SPAST: variants seen among roughly 807,000 people sequenced by gnomAD.
The protein encoded by SPAST is spastic paraplegia 4 (autosomal dominant; spastin).
A neutral mutation model predicts 76.6 loss-of-function variants in SPAST; 30 were observed. The observed-to-expected ratio is 0.39, with a 90% CI of 0.29 to 0.53. The LOEUF (loss-of-function observed/expected upper bound fraction) is 0.53. Ranked by LOEUF, SPAST falls within the 20% of genes least tolerant of loss-of-function variation. The pLI, the probability that SPAST is intolerant of heterozygous loss-of-function variation, is 0.68. For missense variants in SPAST, 717 were observed against 770.5 expected (o/e 0.93, Z 0.82); for synonymous variants, 305 against 281.0 (o/e 1.09, Z -0.86).
At position 32,082,140 on chromosome 2, in the gene SPAST, C is replaced by T. The variant is rs138125038; in HGVS notation, c.416-5352C>T. Among the ~76,000 whole-genome samples, 989 of 149,948 alleles carry T rather than the reference C, an allele frequency of 6.6e-3. 18 individuals are homozygous for T. Among genetic ancestry groups the T allele is most frequent in the Middle Eastern group, 0.048 (14 of 292 alleles). Reference sequence around the variant, plus strand: ...CCCAAATAGCTGGGAGTACAGGCACCCACCCCCACGCCCAGCTAATGTTTG... The same window carrying T: ...CCCAAATAGCTGGGAGTACAGGCACTCACCCCCACGCCCAGCTAATGTTTG... On this transcript the variant is annotated intron_variant, in intron 1 of 16. Transcript: ENST00000315285.
intron 7 of SPAST, among the ~76,000 whole-genome samples, chr2:32,120,572 CT>C (rs36066356): frequency 2.8e-3 from 373 of 131,156 alleles, no homozygotes; most frequent in African/African-American, 4.9e-3. Context: ...TAACTCAGGT[CT>C]TTTTTTTTTT....
At chr2:32,090,303 C>T (rs570916349) in intron 3 of SPAST, among the ~76,000 whole-genome samples, 1 of 152,296 alleles carries the variant, frequency 6.6e-6, no homozygotes, top group South Asian at 2.1e-4. Context: ...CAACACTGCC[C>T]TCAAAACCTA....
At chr2:32,140,327 T>A (rs898232705) in intron 12 of SPAST, among the ~76,000 whole-genome samples, 49 of 152,184 alleles carry the variant, frequency 3.2e-4, no homozygotes, top group African/African-American at 1.2e-3. Flanking sequence ...TGAGCATCTG[T>A]ATGTTATTTC....
intron 7 of SPAST, among the ~76,000 whole-genome samples, chr2:32,116,732 G>T (rs1678850812): frequency 6.6e-6 from 1 of 152,218 alleles, no homozygotes; most frequent in African/African-American, 2.4e-5. Context: ...CTCCCAGAGT[G>T]TTAGGATTAC....
chr2:32,088,786 G>A (rs565206004), intron 2 of SPAST, among the ~76,000 whole-genome samples: 47 of 152,190 alleles, frequency 3.1e-4, no homozygotes, highest in African/African-American at 1.1e-3. Flanking sequence ...TTATTGAAGA[G>A]GCTGTTTTAG....
chr2:32,091,615 G>A (rs1370812304), intron 3 of SPAST, among the ~76,000 whole-genome samples: 3 of 150,076 alleles, frequency 2.0e-5, no homozygotes, highest in Non-Finnish European at 3.0e-5. Flanking sequence ...GGTGGATCAC[G>A]AGGTCAGGAG....
intron 4 of SPAST, among the ~76,000 whole-genome samples, chr2:32,113,723 G>T (rs949447591): frequency 6.7e-6 from 1 of 149,994 alleles, no homozygotes; most frequent in Non-Finnish European, 1.5e-5. Flanking sequence ...CCACCACCAC[G>T]TCTGACTGAT....
intron 1 of SPAST, among the ~76,000 whole-genome samples, chr2:32,085,220 T>C (rs1677425550): frequency 3.3e-5 from 5 of 149,456 alleles, no homozygotes. Flanking sequence ...TTTTTTTTTT[T>C]TTTTGAGTCA....
In SPAST at chr2:32,157,213, AC is replaced by A. The variant is rs1461159527; in HGVS notation, c.*2718del. On this transcript the variant is annotated 3_prime_UTR_variant, in exon 17 of 17. Coordinates refer to ENST00000315285, the MANE Select transcript of SPAST (RefSeq NM_014946.4). ...AGTTTTGTAAACTAAATTAAAACTT[AC>A]TGATATATTGGACTTTGAGCCAAGG... is the stretch of plus-strand genomic sequence containing the variant. 6.6e-6 allele frequency: 1 copy of A among 152,622 alleles called. No individual in the cohort carries two copies. Among genetic ancestry groups the A allele is most frequent in the Non-Finnish European group, 1.5e-5 (1 of 68,014 alleles). The allele number at this position is 152,622 out of a possible 1,614,324, so 9.5% of individuals were successfully genotyped here. A position where few individuals can be genotyped will look rare whatever the true frequency, so the allele number is the denominator to read the frequency against.
At chr2:32,088,529 A>G (rs1011509645) in intron 2 of SPAST, among the ~76,000 whole-genome samples, 4 of 152,184 alleles carry the variant, frequency 2.6e-5, no homozygotes, top group African/African-American at 9.6e-5. Context: ...CTGTAATTGC[A>G]GCTACTTGGG....
chr2:32,147,341 TG>T, intron 16 of SPAST, 83 bp downstream of exon 16: 8 of 600,510 alleles, frequency 1.3e-5, no homozygotes, highest in South Asian at 2.5e-5. Context: ...TGTGTGTGTG[TG>T]TGGTTTTTTT....
chr2:32,121,020 T>C (rs376321195), intron 7 of SPAST, among the ~76,000 whole-genome samples: 159 of 152,352 alleles, frequency 1.0e-3, no homozygotes, highest in African/African-American at 3.3e-3. Flanking sequence ...CAGGATAGCA[T>C]TGGACTTCTT....
intron 4 of SPAST, among the ~76,000 whole-genome samples, chr2:32,113,046 T>C (rs546433872): frequency 2.0e-5 from 3 of 152,310 alleles, no homozygotes; most frequent in South Asian, 4.1e-4. Context: ...TCTATAAATG[T>C]TCATTTGCAT....
chr2:32,134,215 CT>C (rs1442709743), intron 9 of SPAST, among the ~76,000 whole-genome samples: 12 of 151,744 alleles, frequency 7.9e-5, no homozygotes, highest in African/African-American at 2.7e-4. Flanking sequence ...TTAAAAAATT[CT>C]GGGGGGCCGA....
chr2:32,066,545 G>A (rs1676519068), intron 1 of SPAST, among the ~76,000 whole-genome samples: 1 of 152,040 alleles, frequency 6.6e-6, no homozygotes, highest in South Asian at 2.1e-4. Context: ...ACACATGCCT[G>A]TAGTCCCAGC....
chr2:32,150,951 C>CT (rs113065520), intron 16 of SPAST, among the ~76,000 whole-genome samples: 12 of 143,372 alleles, frequency 8.4e-5, no homozygotes, highest in Admixed American at 2.1e-4. Context: ...CTACTGTATA[C>CT]TTTTTTTTTT....
chr2:32,114,749 G>A lies in SPAST; in HGVS notation c.794G>A (p.Arg265Lys), dbSNP rs1678759947. 1 of 1,613,922 alleles carries A rather than the reference G, an allele frequency of 6.2e-7. No homozygotes were observed. The highest frequency in any genetic ancestry group is 1.3e-5 in the African/African-American group (1 of 74,908). ...TCTGCAGGCCTTTCAGGCCACCATA[G>A]AGCACCTAGTTACAGTGGTTTATCC... ...TGSAGLSGHH[R>K]APSYSGLSMV... Residue 265 changes from arginine (R) to lysine (K), a missense_variant, in exon 5 of 17, where the codon AGA (arginine) becomes AAA (lysine). This residue lies in a region of SPAST where 543 missense variants were observed against 445.2 expected (regional missense o/e 1.22). Transcript: ENST00000315285.
chr2:32,091,817 G>C (rs11695080), intron 3 of SPAST, among the ~76,000 whole-genome samples: 31,773 of 151,206 alleles, frequency 0.21, 3,733 homozygotes, highest in East Asian at 0.45. Flanking sequence ...CTGGGCAAAA[G>C]AGCGAGACTC....
chr2:32,104,128 G>T (rs562381844), intron 4 of SPAST, among the ~76,000 whole-genome samples: 2 of 152,248 alleles, frequency 1.3e-5, no homozygotes, highest in Admixed American at 6.5e-5. Flanking sequence ...TTATGAATCT[G>T]GGTGCTCCTG....
Sources: allele counts gnomAD v4.1 joint callset (sites outside exome capture counted in the v4.1 genomes callset), GRCh38; gene constraint gnomAD v4.1.1; regional missense constraint gnomAD v4.1.1; transcripts MANE v1.5; gene names NCBI Gene and HGNC (gene_info 2026-07-23, HGNC 2026-07-21).